The following GPM6A variants were observed in gnomAD, a reference collection of about 807,000 sequenced individuals.
The protein encoded by GPM6A is neuronal membrane glycoprotein M6-a.
GPM6A carries 7 observed loss-of-function variants against 32.1 expected under a neutral mutation model. The ratio of observed to expected loss-of-function variants is 0.22; its 90% CI spans 0.12 to 0.41. GPM6A has a LOEUF of 0.41. Among genes scored for constraint, GPM6A ranks in the 10% least tolerant of loss-of-function variants. GPM6A has a pLI of 1.00. For missense variants in GPM6A, 235 were observed against 347.2 expected (o/e 0.68, Z 2.57); for synonymous variants, 130 against 123.4 (o/e 1.05, Z -0.35).
intron 1 of GPM6A, among the ~76,000 whole-genome samples, chr4:175,863,151 A>G (rs1209008693): frequency 6.6e-6 from 1 of 152,164 alleles, no homozygotes; most frequent in Non-Finnish European, 1.5e-5. Context: ...TCAAATGTGT[A>G]TGCATATATT....
chr4:175,681,968 C>G (rs190142416), intron 2 of GPM6A, among the ~76,000 whole-genome samples: 1 of 152,166 alleles, frequency 6.6e-6, no homozygotes, highest in Admixed American at 6.5e-5. Context: ...GAGTTTGGAG[C>G]GCTCAGAAGA....
intron 1 of GPM6A, among the ~76,000 whole-genome samples, chr4:175,770,047 T>C (rs1212673824): frequency 1.3e-5 from 2 of 152,224 alleles, no homozygotes; most frequent in Non-Finnish European, 2.9e-5. Context: ...TTGTTTTGTT[T>C]TTTGAGATGG....
intron 2 of GPM6A, among the ~76,000 whole-genome samples, chr4:175,701,226 A>G (rs1744857871): frequency 6.6e-6 from 1 of 152,210 alleles, no homozygotes; most frequent in Non-Finnish European, 1.5e-5. Context: ...ATTAGTAGCA[A>G]GGGCCAGATT....
chr4:175,780,089 C>T (rs959040328), intron 1 of GPM6A, among the ~76,000 whole-genome samples: 1 of 150,682 alleles, frequency 6.6e-6, no homozygotes, highest in Non-Finnish European at 1.5e-5. Context: ...GTTGCCCAGG[C>T]TGGAGTGAAG....
intron 1 of GPM6A, among the ~76,000 whole-genome samples, chr4:175,826,861 T>C (rs1735455888): frequency 6.6e-6 from 1 of 152,188 alleles, no homozygotes; most frequent in Non-Finnish European, 1.5e-5. Flanking sequence ...ATTTCTTTAT[T>C]AACAAGTAAT....
At chr4:175,876,945 G>C (rs924755456) in intron 1 of GPM6A, among the ~76,000 whole-genome samples, 4 of 152,194 alleles carry the variant, frequency 2.6e-5, no homozygotes, top group Admixed American at 1.3e-4. Context: ...TGTCGTAACA[G>C]ACAGGATTCT....
At chr4:175,671,310 A>C (rs558001746) in intron 3 of GPM6A, among the ~76,000 whole-genome samples, 9 of 151,856 alleles carry the variant, frequency 5.9e-5, no homozygotes, top group Middle Eastern at 3.4e-3. Context: ...TTGCAAAAAA[A>C]AAAAATCCAC....
intron 3 of GPM6A, among the ~76,000 whole-genome samples, chr4:175,663,532 C>T (rs1742553617): frequency 6.6e-6 from 1 of 152,030 alleles, no homozygotes. Flanking sequence ...TTTAAGTGTT[C>T]TCAATACAAA....
intron 1 of GPM6A, among the ~76,000 whole-genome samples, chr4:175,963,513 A>G (rs1213161256): frequency 1.3e-5 from 2 of 152,174 alleles, no homozygotes; most frequent in Admixed American, 1.3e-4. Context: ...AAATATTTAA[A>G]CTGTTAAAAG....
intron 1 of GPM6A, among the ~76,000 whole-genome samples, chr4:175,893,471 C>T (rs944234762): frequency 7.2e-5 from 11 of 152,032 alleles, no homozygotes; most frequent in Admixed American, 3.3e-4. Flanking sequence ...CTAAGTTAAA[C>T]ACTTCTCCCT....
chr4:175,688,130 A>G (rs1212373122), intron 2 of GPM6A, among the ~76,000 whole-genome samples: 2 of 152,058 alleles, frequency 1.3e-5, no homozygotes, highest in African/African-American at 4.8e-5. Context: ...TAAATATTTT[A>G]TCTCATTCTG....
intron 2 of GPM6A, among the ~76,000 whole-genome samples, chr4:175,700,200 G>A (rs1398246230): frequency 6.6e-6 from 1 of 151,824 alleles, no homozygotes; most frequent in Non-Finnish European, 1.5e-5. Context: ...GGGGAAATTA[G>A]TAACTTTAAT....
intron 2 of GPM6A, among the ~76,000 whole-genome samples, chr4:175,680,600 G>A (rs1743627943): frequency 1.3e-5 from 2 of 152,048 alleles, no homozygotes; most frequent in Non-Finnish European, 2.9e-5. Flanking sequence ...CATCCATATT[G>A]ACTTAGTTTC....
chr4:175,842,507 G>C (rs1409683545), intron 1 of GPM6A, among the ~76,000 whole-genome samples: 4 of 152,066 alleles, frequency 2.6e-5, no homozygotes, highest in African/African-American at 9.7e-5. Context: ...AGACGTGCTT[G>C]AGTCCAGGAG....
intron 1 of GPM6A, among the ~76,000 whole-genome samples, chr4:175,740,780 T>C (rs891581122): frequency 2.0e-5 from 3 of 152,056 alleles, no homozygotes; most frequent in African/African-American, 7.2e-5. Context: ...TTGCAAAATG[T>C]AAAGAGCATC....
intron 1 of GPM6A, among the ~76,000 whole-genome samples, chr4:175,992,188 T>C (rs1424357424): frequency 2.6e-5 from 4 of 152,030 alleles, no homozygotes; most frequent in Non-Finnish European, 5.9e-5. Flanking sequence ...CACTAATTAA[T>C]AACATATTAA....
intron 1 of GPM6A, among the ~76,000 whole-genome samples, chr4:175,723,670 C>T (rs1472328): frequency 0.82 from 124,225 of 151,966 alleles, 51,137 homozygotes; most frequent in Non-Finnish European, 0.88. Flanking sequence ...GTTCATCTTA[C>T]AGCCTTGTTG....
At chr4:175,702,295 C>A (rs1389967959) in intron 1 of GPM6A, among the ~76,000 whole-genome samples, 1 of 152,104 alleles carries the variant, frequency 6.6e-6, no homozygotes, top group Non-Finnish European at 1.5e-5. Flanking sequence ...ATATCCACCG[C>A]CTAAAATATT....
chr4:175,722,099 C>A (rs1023384531), intron 1 of GPM6A, among the ~76,000 whole-genome samples: 1 of 151,948 alleles, frequency 6.6e-6, no homozygotes, highest in Non-Finnish European at 1.5e-5. Flanking sequence ...CCAGCCCGGG[C>A]AACAAAATAA....
Sources: allele counts gnomAD v4.1 joint callset (sites outside exome capture counted in the v4.1 genomes callset), GRCh38; gene constraint gnomAD v4.1.1; transcripts MANE v1.5; gene names NCBI Gene and HGNC (gene_info 2026-07-23, HGNC 2026-07-21).